The following VPS53 variants were observed in gnomAD, a reference collection of about 807,000 sequenced individuals.
VPS53 encodes the protein VPS53 subunit of GARP complex, also known as vacuolar protein sorting-associated protein 53 homolog.
In VPS53, 70 loss-of-function variants were observed where a neutral mutation model predicts 107.0. The observed-to-expected ratio is 0.65, with a 90% CI of 0.54 to 0.80. The LOEUF (loss-of-function observed/expected upper bound fraction) is 0.80. Among genes scored for constraint, VPS53 ranks in the 30% least tolerant of loss-of-function variants. The pLI is 0.00. For synonymous variants in VPS53, 409 were observed against 393.3 expected, an observed-to-expected ratio of 1.04 and a Z score of -0.47; for missense variants, 917 against 1,049.4, an observed-to-expected ratio of 0.87 and a Z score of 1.74.
rs569928233 is a variant in VPS53, at chr17:529,051, G to C, written c.2085+3791C>G. ...TTCTAATTTCACCAAATCCTCTTTG[G>C]AATTGATTTTTATATATGGTGTGTG... On this transcript the variant is annotated intron_variant, in intron 19 of 21. Coordinates refer to ENST00000437048, the MANE Select transcript of VPS53 (RefSeq NM_001128159.3). Among the ~76,000 whole-genome samples the C allele has an allele frequency of 5.3e-5, 8 of 152,194 alleles. No homozygotes were observed. The South Asian group carries it at 1.7e-3, about 32-fold the overall frequency.
At chr17:558,004 C>T (rs1340404047) in intron 15 of VPS53, among the ~76,000 whole-genome samples, 1 of 152,012 alleles carries the variant, frequency 6.6e-6, no homozygotes, top group East Asian at 1.9e-4. Flanking sequence ...AGACCACAGG[C>T]ATGTACCACC....
intron 2 of VPS53, among the ~76,000 whole-genome samples, chr17:702,323 T>C (rs759361926): frequency 2.6e-5 from 4 of 151,956 alleles, no homozygotes; most frequent in Non-Finnish European, 5.9e-5. Flanking sequence ...CACTGAACTG[T>C]AGCCTGGGTG....
At chr17:540,836 T>A (rs1032820157) in intron 17 of VPS53, among the ~76,000 whole-genome samples, 5 of 152,110 alleles carry the variant, frequency 3.3e-5, no homozygotes, top group Admixed American at 2.0e-4. Context: ...GAGCCCAGCT[T>A]CTGCGGCCTG....
chr17:590,156 A>C (rs563922266), intron 12 of VPS53, among the ~76,000 whole-genome samples: 1 of 151,556 alleles, frequency 6.6e-6, no homozygotes. Flanking sequence ...ATGGGAGTTC[A>C]CTCATGATTT....
intron 4 of VPS53, among the ~76,000 whole-genome samples, chr17:662,491 C>T (rs1030485689): frequency 2.0e-5 from 3 of 152,056 alleles, no homozygotes; most frequent in South Asian, 2.1e-4. Flanking sequence ...AGATCAAGAC[C>T]ATCCTGGCTA....
intron 11 of VPS53, among the ~76,000 whole-genome samples, chr17:616,919 G>C (rs1269637884): frequency 6.6e-6 from 1 of 152,230 alleles, no homozygotes; most frequent in Non-Finnish European, 1.5e-5. Context: ...CTGGTCCTCA[G>C]ATGCAACAGG....
rs1404125130 is a variant in VPS53 at position 519,004 on chromosome 17, A to T, written c.*124T>A. 3.7e-6 allele frequency: 4 copies of T among 1,084,184 alleles called. No individual in the cohort carries two copies. The highest frequency in any genetic ancestry group is 5.1e-6 in the Non-Finnish European group (4 of 780,294). The allele number at this position is 1,084,184 out of a possible 1,614,324, so 67.2% of individuals were successfully genotyped here. A position where few individuals can be genotyped will look rare whatever the true frequency, so the allele number is the denominator to read the frequency against. ...CATGGGAGAGACTCAGTAACAACCC[A>T]CATGTCCCAGGAAGTTTGAAGACCG... On this transcript the variant is annotated 3_prime_UTR_variant, in exon 22 of 22. Transcript: ENST00000437048. The surrounding 1 kb of genome is among the most constrained non-coding windows in gnomAD (Gnocchi z 5.0).
intron 4 of VPS53, among the ~76,000 whole-genome samples, chr17:679,723 A>T (rs1366069707): frequency 1.3e-5 from 2 of 152,356 alleles, no homozygotes; most frequent in Admixed American, 1.3e-4. Flanking sequence ...TGACCTTGAT[A>T]ATGGGTCAAT....
chr17:582,772 G>A (rs958763258), intron 13 of VPS53, among the ~76,000 whole-genome samples: 3 of 150,918 alleles, frequency 2.0e-5, no homozygotes, highest in African/African-American at 7.3e-5. Context: ...AGAACCTAAT[G>A]CGTTTCCAGA....
At chr17:659,238 C>A (rs16954271) in intron 5 of VPS53, among the ~76,000 whole-genome samples, 15,024 of 152,100 alleles carry the variant, frequency 0.099, 828 homozygotes, top group East Asian at 0.21. Context: ...GTATCTCTTC[C>A]AGCGTTTTTA....
intron 4 of VPS53, among the ~76,000 whole-genome samples, chr17:691,918 T>C (rs1159277997): frequency 2.0e-5 from 3 of 152,180 alleles, no homozygotes; most frequent in East Asian, 1.9e-4. Context: ...AAATACGGCA[T>C]ATATAGGGTT....
chr17:516,170 T>C lies in VPS53; in HGVS notation c.*2958A>G, dbSNP rs528263995. 10 of 152,134 alleles carry C rather than the reference T, an allele frequency of 6.6e-5. No individual in the cohort carries two copies. Among genetic ancestry groups the C allele is most frequent in the African/African-American group, 2.2e-4 (9 of 41,492 alleles). The allele number at this position is 152,134 out of a possible 1,614,324, so 9.4% of individuals were successfully genotyped here. A position where few individuals can be genotyped will look rare whatever the true frequency, so the allele number is the denominator to read the frequency against. On this transcript the variant is annotated 3_prime_UTR_variant, in exon 22 of 22. Coordinates refer to ENST00000437048, the MANE Select transcript of VPS53 (RefSeq NM_001128159.3). Reference sequence around the variant, plus strand: ...TTCACCACGTTGGCACCAGCTCAAGTGTAGTGTCGGCGCACTTTTAGCTTA... The same window carrying C: ...TTCACCACGTTGGCACCAGCTCAAGCGTAGTGTCGGCGCACTTTTAGCTTA...
chr17:575,399 G>A (rs1331672472), intron 13 of VPS53, among the ~76,000 whole-genome samples: 1 of 152,158 alleles, frequency 6.6e-6, no homozygotes, highest in African/African-American at 2.4e-5. Context: ...AGACCTAAAT[G>A]CGTAAATGCA....
chr17:518,857 G>A lies in VPS53; in HGVS notation c.*271C>T, dbSNP rs1908505221. 6 of 326,820 alleles carry A rather than the reference G, an allele frequency of 1.8e-5. No homozygotes were observed. The highest frequency in any genetic ancestry group is 8.2e-4 in the Middle Eastern group (1 of 1,216). The allele number at this position is 326,820 out of a possible 1,614,324, so 20.2% of individuals were successfully genotyped here. ...CATGGGGAGGCTACATGAGTCAAGGGCAGCTCAGGGACCTATCCTCCACTG... is the reference window on the plus strand; with the variant it reads ...CATGGGGAGGCTACATGAGTCAAGGACAGCTCAGGGACCTATCCTCCACTG... On this transcript the variant is annotated 3_prime_UTR_variant, in exon 22 of 22. Transcript: ENST00000437048.
intron 2 of VPS53, among the ~76,000 whole-genome samples, chr17:706,677 C>T (rs1973414591): frequency 6.6e-6 from 1 of 152,172 alleles, no homozygotes; most frequent in Non-Finnish European, 1.5e-5. Context: ...CTTCTCTACC[C>T]CAGATTTCTT....
At chr17:545,345 T>G (rs1911099560) in intron 17 of VPS53, among the ~76,000 whole-genome samples, 1 of 152,164 alleles carries the variant, frequency 6.6e-6, no homozygotes. Context: ...TCGTATTCCT[T>G]CATTCCCACA....
At chr17:557,041 C>T (rs534332748) in intron 15 of VPS53, among the ~76,000 whole-genome samples, 32 of 151,482 alleles carry the variant, frequency 2.1e-4, no homozygotes, top group East Asian at 1.4e-3. Context: ...TTAGTAGAGA[C>T]GGGGTTTTGC....
chr17:630,385 C>T (rs186740766), intron 8 of VPS53, among the ~76,000 whole-genome samples: 5 of 152,164 alleles, frequency 3.3e-5, no homozygotes, highest in Admixed American at 1.3e-4. Context: ...CCCAGTGCTT[C>T]TCATGAGCGA....
At position 689,740 on chromosome 17, in the gene VPS53, T is replaced by C. The variant is rs140203550; in HGVS notation, c.285+7678A>G. 4.3e-3 allele frequency among the ~76,000 whole-genome samples: 661 copies of C among 152,196 alleles called. 4 individuals are homozygous for C. Among genetic ancestry groups the C allele is most frequent in the Middle Eastern group, 0.014 (4 of 294 alleles). On this transcript the variant is annotated intron_variant, in intron 4 of 21. Coordinates refer to ENST00000437048, the MANE Select transcript of VPS53 (RefSeq NM_001128159.3). Reference sequence around the variant, plus strand: ...CCGCCCACCTCCGCCTCCCAAAGTGTTGGGATTACAGGCGTAAGCTACCAA... The same window carrying C: ...CCGCCCACCTCCGCCTCCCAAAGTGCTGGGATTACAGGCGTAAGCTACCAA...
Sources: gnomAD v4.1 joint callset for allele counts (sites outside exome capture counted in the v4.1 genomes callset) on GRCh38, gnomAD v4.1.1 for gene constraint, Gnocchi (gnomAD v3.1) non-coding constraint, MANE v1.5 for transcripts, NCBI Gene and HGNC (gene_info 2026-07-23, HGNC 2026-07-21) for gene names.